Variants in SLC24A2 observed in about 807,000 individuals in gnomAD.
SLC24A2 encodes sodium/potassium/calcium exchanger 2.
Under a neutral mutation model 62.0 loss-of-function variants are expected in SLC24A2, and 36 were observed. That is an observed-to-expected ratio of 0.58 (90% confidence interval 0.44 to 0.77). The LOEUF is 0.77. Ranked by LOEUF, SLC24A2 falls within the 30% of genes least tolerant of loss-of-function variation. The pLI, the probability that SLC24A2 is intolerant of heterozygous loss-of-function variation, is 0.00. For missense variants in SLC24A2, 846 were observed against 817.9 expected (o/e 1.03, Z -0.42); for synonymous variants, 358 against 294.0 (o/e 1.22, Z -2.23).
At chr9:19,887,470 T>C in the SLC24A2 span, among the ~76,000 whole-genome samples, 655 of 152,240 alleles carry the variant, frequency 4.3e-3, 9 homozygotes, top group African/African-American at 0.015. Context: ...TCACTAATGA[T>C]CATGGAAATG....
chr9:19,724,569 C>A (rs1821117240), intron 2 of SLC24A2, among the ~76,000 whole-genome samples: 1 of 152,074 alleles, frequency 6.6e-6, no homozygotes, highest in Non-Finnish European at 1.5e-5. Flanking sequence ...ATTATTAATA[C>A]AAGGTCTGAT....
the SLC24A2 span, among the ~76,000 whole-genome samples, chr9:20,298,663 TAGCAGC>T: frequency 6.6e-6 from 1 of 152,274 alleles, no homozygotes; most frequent in African/African-American, 2.4e-5. Context: ...ATAATAGTAA[TAGCAGC>T]AGCCTGTGGG....
chr9:19,860,459 G>A, the SLC24A2 span, among the ~76,000 whole-genome samples: 1 of 152,152 alleles, frequency 6.6e-6, no homozygotes, highest in Non-Finnish European at 1.5e-5. Flanking sequence ...ACGATGTTGA[G>A]GGCCTTGGTA....
At chr9:19,817,103 C>A in the SLC24A2 span, among the ~76,000 whole-genome samples, 2,469 of 152,106 alleles carry the variant, frequency 0.016, 66 homozygotes, top group African/African-American at 0.057. Context: ...TGGAGAAGCA[C>A]ATACTATCAA....
chr9:19,880,110 T>C, the SLC24A2 span, among the ~76,000 whole-genome samples: 1 of 152,224 alleles, frequency 6.6e-6, no homozygotes, highest in African/African-American at 2.4e-5. Context: ...TCCCTATGAC[T>C]ATTTAAAAGT....
the SLC24A2 span, among the ~76,000 whole-genome samples, chr9:20,063,480 TG>T: frequency 9.9e-6 from 1 of 101,498 alleles, no homozygotes; most frequent in Non-Finnish European, 1.8e-5. Context: ...CATCACACTC[TG>T]GGGACTGTTG....
In SLC24A2 at chr9:19,785,930, C is replaced by G; in HGVS notation, c.930+7G>C. On this transcript the variant is annotated splice_region_variant and intron_variant, in intron 2 of 10. Transcript: ENST00000341998. ...AAAGCATTAAATAAAAATCCACCACCACCAACCTTTGCTTGGGCTTCTGGT... is the reference window on the plus strand; with the variant it reads ...AAAGCATTAAATAAAAATCCACCACGACCAACCTTTGCTTGGGCTTCTGGT... 1 of 1,614,170 alleles carries G rather than the reference C, an allele frequency of 6.2e-7. No homozygotes were observed. Among genetic ancestry groups the G allele is most frequent in the Non-Finnish European group, 8.5e-7 (1 of 1,180,014 alleles).
At chr9:19,567,477 C>T (rs1156457984) in intron 7 of SLC24A2, among the ~76,000 whole-genome samples, 5 of 142,168 alleles carry the variant, frequency 3.5e-5, no homozygotes, top group South Asian at 2.2e-4. Flanking sequence ...ACCCGGGAGG[C>T]GGAGCTTGCA....
chr9:19,648,767 T>C lies in SLC24A2; in HGVS notation c.931-26468A>G, dbSNP rs563450545. 4.6e-5 allele frequency among the ~76,000 whole-genome samples: 7 copies of C among 152,314 alleles called. No individual in the cohort carries two copies. In the South Asian group the frequency reaches 1.5e-3, roughly 32 times the overall value. ...GGTTAGGGTTGGTTATTGGGTTTTATGTTTTTAAAACATTCTATAAAAGGG... is the reference window on the plus strand; with the variant it reads ...GGTTAGGGTTGGTTATTGGGTTTTACGTTTTTAAAACATTCTATAAAAGGG... On this transcript the variant is annotated intron_variant, in intron 2 of 10. Transcript: ENST00000341998.
chr9:19,908,115 T>C, the SLC24A2 span, among the ~76,000 whole-genome samples: 1 of 152,184 alleles, frequency 6.6e-6, no homozygotes, highest in Non-Finnish European at 1.5e-5. Context: ...CAAAACAGCA[T>C]GGTACTGGTA....
chr9:19,857,145 C>T, the SLC24A2 span, among the ~76,000 whole-genome samples: 5 of 152,190 alleles, frequency 3.3e-5, no homozygotes, highest in African/African-American at 1.2e-4. Context: ...AGGAGAGAAT[C>T]TATTTCTCCG....
At chr9:20,000,937 G>C in the SLC24A2 span, among the ~76,000 whole-genome samples, 1 of 152,168 alleles carries the variant, frequency 6.6e-6, no homozygotes, top group Non-Finnish European at 1.5e-5. Flanking sequence ...TGCTTTTTAA[G>C]CTTAGAAGGG....
chr9:19,839,227 A>T, the SLC24A2 span, among the ~76,000 whole-genome samples: 1 of 152,242 alleles, frequency 6.6e-6, no homozygotes, highest in Non-Finnish European at 1.5e-5. Context: ...CGATCATTAA[A>T]AAGTCAGGAA....
chr9:20,077,046 G>GA, the SLC24A2 span, among the ~76,000 whole-genome samples: 6 of 149,682 alleles, frequency 4.0e-5, no homozygotes, highest in African/African-American at 4.9e-5. Context: ...ACCAGACACA[G>GA]AAAAAAAAAT....
the SLC24A2 span, among the ~76,000 whole-genome samples, chr9:19,936,892 T>C: frequency 2.0e-5 from 3 of 152,122 alleles, no homozygotes; most frequent in African/African-American, 4.8e-5. Context: ...AGGTTGAATC[T>C]GGGGAGTGGG....
intron 5 of SLC24A2, among the ~76,000 whole-genome samples, chr9:19,582,705 A>G (rs1836243306): frequency 6.6e-6 from 1 of 152,066 alleles, no homozygotes; most frequent in African/African-American, 2.4e-5. Flanking sequence ...TTCTGGAAGC[A>G]GAGACTTAAG....
the SLC24A2 span, among the ~76,000 whole-genome samples, chr9:20,272,066 T>A: frequency 6.6e-6 from 1 of 152,192 alleles, no homozygotes; most frequent in Non-Finnish European, 1.5e-5. Context: ...AGGATAATTA[T>A]CCTGCAATGC....
chr9:19,664,905 T>C (rs1341391530), intron 2 of SLC24A2, among the ~76,000 whole-genome samples: 1 of 152,220 alleles, frequency 6.6e-6, no homozygotes, highest in African/African-American at 2.4e-5. Context: ...GATGTCAGAC[T>C]TCTAGCCTAC....
chr9:19,961,150 AGAG>A, the SLC24A2 span, among the ~76,000 whole-genome samples: 1 of 151,292 alleles, frequency 6.6e-6, no homozygotes, highest in Non-Finnish European at 1.5e-5. Context: ...GGAGAGAGAG[AGAG>A]AGAGAGAGAG....
Sources: gnomAD v4.1 joint callset for allele counts (sites outside exome capture counted in the v4.1 genomes callset) on GRCh38, gnomAD v4.1.1 for gene constraint, MANE v1.5 for transcripts, NCBI Gene and HGNC (gene_info 2026-07-23, HGNC 2026-07-21) for gene names.